SAMD5: variants seen among roughly 807,000 people sequenced by gnomAD.
SAMD5 encodes the protein sterile alpha motif domain containing 5, also known as sterile alpha motif domain-containing protein 5.
SAMD5 carries 13 observed loss-of-function variants against 11.3 expected under a neutral mutation model. The observed-to-expected ratio is 1.15, with a 90% confidence interval of 0.75 to 1.83. SAMD5 has a LOEUF of 1.83. SAMD5 is among the 40% of genes most tolerant of loss of function. The pLI, the probability that SAMD5 is intolerant of heterozygous loss-of-function variation, is 0.00. For missense variants in SAMD5, 255 were observed against 239.1 expected, an observed-to-expected ratio of 1.07 and a Z score of -0.44; for synonymous variants, 129 against 111.3, an observed-to-expected ratio of 1.16 and a Z score of -1.00.
chr6:147,584,946 A>G (rs541903035), intron 1 of SAMD5, among the ~76,000 whole-genome samples: 2 of 152,298 alleles, frequency 1.3e-5, no homozygotes, highest in East Asian at 1.9e-4. Flanking sequence ...GATGTTACAA[A>G]CCAATGGTCC....
intron 1 of SAMD5, among the ~76,000 whole-genome samples, chr6:147,520,384 T>A (rs1788234176): frequency 6.6e-6 from 1 of 152,184 alleles, no homozygotes; most frequent in South Asian, 2.1e-4. Context: ...CCTCCCAAAG[T>A]GCTGGGATTA....
intron 1 of SAMD5, among the ~76,000 whole-genome samples, chr6:147,675,678 G>C (rs768482565): frequency 6.6e-6 from 1 of 152,150 alleles, no homozygotes; most frequent in African/African-American, 2.4e-5. Flanking sequence ...TGCTGTATTT[G>C]ATACAGTATT....
chr6:147,831,271 A>G, the SAMD5 span, among the ~76,000 whole-genome samples: 1 of 152,234 alleles, frequency 6.6e-6, no homozygotes, highest in African/African-American at 2.4e-5. Flanking sequence ...CGCATTGTGA[A>G]GCTAGAAATT....
intron 1 of SAMD5, among the ~76,000 whole-genome samples, chr6:147,735,939 G>C (rs925234216): frequency 1.3e-5 from 2 of 152,034 alleles, no homozygotes; most frequent in Non-Finnish European, 2.9e-5. Context: ...GTGCAACCTT[G>C]AGCATCATTT....
the SAMD5 span, among the ~76,000 whole-genome samples, chr6:147,809,252 C>G: frequency 6.6e-5 from 10 of 151,922 alleles, no homozygotes; most frequent in Non-Finnish European, 1.5e-4. Context: ...AATATCAGTG[C>G]TTTTCCTTTA....
chr6:147,678,246 A>C (rs9784806), intron 1 of SAMD5, among the ~76,000 whole-genome samples: 1,860 of 139,776 alleles, frequency 0.013, 49 homozygotes, highest in African/African-American at 0.048. Flanking sequence ...TGTCACTATT[A>C]AAAATAAAAC....
chr6:147,751,664 C>T, the SAMD5 span, among the ~76,000 whole-genome samples: 3 of 152,102 alleles, frequency 2.0e-5, no homozygotes, highest in South Asian at 2.1e-4. Context: ...TATTAACCCC[C>T]GTAAAAAAAT....
chr6:147,855,198 T>C, the SAMD5 span, among the ~76,000 whole-genome samples: 31 of 152,290 alleles, frequency 2.0e-4, no homozygotes, highest in Middle Eastern at 3.4e-3. Context: ...AGATTTTGGA[T>C]TGACGACATA....
the SAMD5 span, among the ~76,000 whole-genome samples, chr6:147,754,833 T>G: frequency 6.6e-6 from 1 of 152,116 alleles, no homozygotes; most frequent in Non-Finnish European, 1.5e-5. Context: ...TTCCCTGGTA[T>G]ATGTCCTGGA....
chr6:147,627,649 TG>T (rs1217298482), intron 1 of SAMD5, among the ~76,000 whole-genome samples: 1 of 152,214 alleles, frequency 6.6e-6, no homozygotes, highest in Non-Finnish European at 1.5e-5. Flanking sequence ...ATTCAAATGT[TG>T]GCTTTACATA....
intron 1 of SAMD5, among the ~76,000 whole-genome samples, chr6:147,674,134 G>A (rs184140409): frequency 3.3e-5 from 5 of 152,240 alleles, no homozygotes; most frequent in African/African-American, 1.2e-4. Context: ...AGAGAAAAGG[G>A]GGACAGGGGC....
At chr6:147,706,548 A>T (rs527504825) in intron 1 of SAMD5, among the ~76,000 whole-genome samples, 1 of 152,192 alleles carries the variant, frequency 6.6e-6, no homozygotes, top group Non-Finnish European at 1.5e-5. Context: ...TTTATGAAGG[A>T]AAGAGGAAAA....
chr6:147,932,483 G>T, the SAMD5 span, among the ~76,000 whole-genome samples: 1 of 152,016 alleles, frequency 6.6e-6, no homozygotes, highest in Non-Finnish European at 1.5e-5. Flanking sequence ...ACTGTGAATG[G>T]TAATACTTTA....
At chr6:147,528,865 A>G (rs796348283) in intron 1 of SAMD5, among the ~76,000 whole-genome samples, 2 of 152,222 alleles carry the variant, frequency 1.3e-5, no homozygotes, top group African/African-American at 4.8e-5. Flanking sequence ...CATGGCATTT[A>G]TTAGAGAATA....
the SAMD5 span, among the ~76,000 whole-genome samples, chr6:147,906,956 T>C: frequency 2.8e-4 from 42 of 152,330 alleles, 1 homozygote; most frequent in East Asian, 7.5e-3. Context: ...TATTTTCTTG[T>C]AATAGCCAGT....
At chr6:147,583,127 C>T (rs1789322575) in intron 1 of SAMD5, among the ~76,000 whole-genome samples, 1 of 152,196 alleles carries the variant, frequency 6.6e-6, no homozygotes, top group South Asian at 2.1e-4. Flanking sequence ...TCTAGTTTTA[C>T]ACATAGACAT....
chr6:147,867,971 C>T, the SAMD5 span, among the ~76,000 whole-genome samples: 1 of 152,124 alleles, frequency 6.6e-6, no homozygotes, highest in African/African-American at 2.4e-5. Context: ...CCACTATTAC[C>T]AATGTGTTTA....
At chr6:147,950,075 A>G in the SAMD5 span, among the ~76,000 whole-genome samples, 1 of 152,234 alleles carries the variant, frequency 6.6e-6, no homozygotes, top group African/African-American at 2.4e-5. Context: ...CCAAGACGGA[A>G]TATGAAGCCT....
the SAMD5 span, among the ~76,000 whole-genome samples, chr6:147,889,827 A>C: frequency 6.6e-6 from 1 of 152,150 alleles, no homozygotes; most frequent in South Asian, 2.1e-4. Flanking sequence ...CCTCAGACAT[A>C]TGCGTTGATC....
Sources: allele counts gnomAD v4.1 joint callset (sites outside exome capture counted in the v4.1 genomes callset), GRCh38; gene constraint gnomAD v4.1.1; transcripts MANE v1.5; gene names NCBI Gene and HGNC (gene_info 2026-07-23, HGNC 2026-07-21).